Variants in FAM117B observed in about 807,000 individuals in gnomAD.
FAM117B encodes the protein family with sequence similarity 117 member B.
In FAM117B, 22 loss-of-function variants were observed where a neutral mutation model predicts 52.8. That is an observed-to-expected ratio of 0.42 (90% CI 0.30 to 0.59). The LOEUF (loss-of-function observed/expected upper bound fraction) is 0.59, where lower values mean the gene tolerates loss of function less well. Among genes scored for constraint, FAM117B ranks in the 20% least tolerant of loss-of-function variants. The pLI is 0.22. For missense variants in FAM117B, 678 were observed against 802.6 expected, an observed-to-expected ratio of 0.84 and a Z score of 1.88; for synonymous variants, 309 against 324.1, an observed-to-expected ratio of 0.95 and a Z score of 0.50.
intron 2 of FAM117B, among the ~76,000 whole-genome samples, chr2:202,720,645 C>T (rs1483644848): frequency 6.6e-6 from 1 of 151,260 alleles, no homozygotes; most frequent in Non-Finnish European, 1.5e-5. Flanking sequence ...TTATACATTA[C>T]ACTTGGACCC....
chr2:202,675,445 CAAAAAAAAA>C (rs386392341), intron 1 of FAM117B, among the ~76,000 whole-genome samples: 2 of 67,792 alleles, frequency 3.0e-5, no homozygotes, highest in Non-Finnish European at 5.1e-5. Flanking sequence ...GACCTTATCT[CAAAAAAAAA>C]AAAAAAAAAA....
Position 202,635,253 on chromosome 2 carries a change from G to A in FAM117B, c.66G>A (p.Val22=). The A allele has an allele frequency of 2.9e-6, 4 of 1,367,280 alleles. No individual in the cohort carries two copies. Among genetic ancestry groups the A allele is most frequent in the Non-Finnish European group, 3.8e-6 (4 of 1,057,922 alleles). The allele number at this position is 1,367,280 out of a possible 1,614,324, so 84.7% of individuals were successfully genotyped here. A position where few individuals can be genotyped will look rare whatever the true frequency, so the allele number is the denominator to read the frequency against. Residue 22 remains valine (V), a synonymous_variant, in exon 1 of 8, where the codon GTG becomes GTA. Transcript: ENST00000392238. ...CCGGCTCCCTTGGGGGTGGTGCGGT[G>A]GCCACGGCCGGGGGACCCGGGAGCC... ...TPAGSLGGGA[V]ATAGGPGSRL... is the part of the protein sequence containing the mutation.
At chr2:202,747,556 C>A (rs1330872353) in intron 4 of FAM117B, among the ~76,000 whole-genome samples, 1 of 151,536 alleles carries the variant, frequency 6.6e-6, no homozygotes, top group Non-Finnish European at 1.5e-5. Flanking sequence ...AAATAAGAAC[C>A]AAAAGACTAC....
intron 5 of FAM117B, among the ~76,000 whole-genome samples, chr2:202,756,150 C>G (rs1226012176): frequency 6.6e-6 from 1 of 152,198 alleles, no homozygotes; most frequent in African/African-American, 2.4e-5. Context: ...TGCACAGTGG[C>G]TCACACCTGT....
At chr2:202,711,349 A>G (rs758518884) in intron 2 of FAM117B, among the ~76,000 whole-genome samples, 5 of 152,066 alleles carry the variant, frequency 3.3e-5, no homozygotes, top group African/African-American at 4.8e-5. Flanking sequence ...TGTCATTTGT[A>G]TGTCTTTTGA....
chr2:202,690,053 G>T (rs888820852), intron 1 of FAM117B, among the ~76,000 whole-genome samples: 1 of 152,184 alleles, frequency 6.6e-6, no homozygotes, highest in Non-Finnish European at 1.5e-5. Context: ...GGTTTGGGAT[G>T]CTCCACTAGT....
Position 202,634,993 on chromosome 2 carries a change from GAGCGGCGGCGGC to G in FAM117B, c.-194_-183del, listed in dbSNP as rs1559090413. On this transcript the variant is annotated 5_prime_UTR_variant, in exon 1 of 8. Coordinates refer to ENST00000392238, the MANE Select transcript of FAM117B (RefSeq NM_173511.4). ...CAGAGGAGACACTATTGTTGATGAG[GAGCGGCGGCGGC>G]GGCGGCGGCGGCTGCACCACCTCGT... Among the ~76,000 whole-genome samples, 1 of 133,062 alleles carries G rather than the reference GAGCGGCGGCGGC, an allele frequency of 7.5e-6. No homozygotes were observed. Among genetic ancestry groups the G allele is most frequent in the Non-Finnish European group, 1.6e-5 (1 of 61,506 alleles). The allele number at this position is 133,062 out of a possible 152,430, so 87.3% of individuals were successfully genotyped here.
At chr2:202,750,547 C>G (rs1314047617) in intron 4 of FAM117B, among the ~76,000 whole-genome samples, 1 of 152,102 alleles carries the variant, frequency 6.6e-6, no homozygotes, top group African/African-American at 2.4e-5. Context: ...CAACTACTGC[C>G]TTAGATGCCC....
At chr2:202,668,173 ATAT>A (rs1170291722) in intron 1 of FAM117B, among the ~76,000 whole-genome samples, 5 of 124,874 alleles carry the variant, frequency 4.0e-5, no homozygotes, top group African/African-American at 9.5e-5. Flanking sequence ...TAATACATAC[ATAT>A]TATATTATAT....
chr2:202,672,441 T>G (rs1164550531), intron 1 of FAM117B, among the ~76,000 whole-genome samples: 2 of 152,218 alleles, frequency 1.3e-5, no homozygotes, highest in Admixed American at 1.3e-4. Flanking sequence ...CTTGAACTCC[T>G]GATCTCAAGT....
At chr2:202,732,042 T>TTATC (rs1691360221) in intron 4 of FAM117B, among the ~76,000 whole-genome samples, 2 of 151,094 alleles carry the variant, frequency 1.3e-5, no homozygotes, top group Non-Finnish European at 2.9e-5. Flanking sequence ...GCCTATTTAT[T>TTATC]TTTCTTTTTT....
intron 1 of FAM117B, among the ~76,000 whole-genome samples, chr2:202,683,683 G>A (rs1690495913): frequency 6.6e-6 from 1 of 152,184 alleles, no homozygotes; most frequent in Non-Finnish European, 1.5e-5. Context: ...TTCCCAAAAT[G>A]AAAACTCCAG....
chr2:202,710,934 A>G (rs1281783320), intron 2 of FAM117B, among the ~76,000 whole-genome samples: 1 of 152,082 alleles, frequency 6.6e-6, no homozygotes, highest in African/African-American at 2.4e-5. Flanking sequence ...TGTATGTACC[A>G]CATTTTCTTT....
At chr2:202,681,979 A>G (rs1690469237) in intron 1 of FAM117B, among the ~76,000 whole-genome samples, 1 of 152,200 alleles carries the variant, frequency 6.6e-6, no homozygotes, top group African/African-American at 2.4e-5. Flanking sequence ...AGGGAGGAGA[A>G]GCAGCTGGAC....
chr2:202,755,072 G>C (rs745731764), intron 4 of FAM117B, among the ~76,000 whole-genome samples: 1 of 151,678 alleles, frequency 6.6e-6, no homozygotes, highest in Non-Finnish European at 1.5e-5. Context: ...AGTGGGAGGC[G>C]CTACACACCT....
chr2:202,695,282 G>A (rs1011695049), intron 1 of FAM117B, among the ~76,000 whole-genome samples: 3 of 151,210 alleles, frequency 2.0e-5, no homozygotes, highest in African/African-American at 7.3e-5. Context: ...TATGGTTTCA[G>A]TTACTTCTAG....
intron 2 of FAM117B, 101 bp from the exon 3 acceptor site, chr2:202,724,816 A>AT (rs1691212952): frequency 3.8e-6 from 3 of 795,050 alleles, no homozygotes; most frequent in Non-Finnish European, 5.5e-6. Context: ...TTAATGTCTA[A>AT]TTTTTTTGTA....
At chr2:202,685,515 A>T (rs1034156749) in intron 1 of FAM117B, among the ~76,000 whole-genome samples, 5 of 152,364 alleles carry the variant, frequency 3.3e-5, no homozygotes, top group African/African-American at 1.2e-4. Flanking sequence ...CCTAAAATTT[A>T]TATGAAACTG....
chr2:202,681,818 G>A lies in FAM117B; in HGVS notation c.602-14063G>A, dbSNP rs959050186. ...AGGGTGAGTCCCTGGCGAGGGCCCC[G>A]CCCTCAAACTGAAAAAGCCTGGTAC... is the stretch of plus-strand genomic sequence containing the variant. On this transcript the variant is annotated intron_variant, in intron 1 of 7. Coordinates refer to ENST00000392238, the MANE Select transcript of FAM117B (RefSeq NM_173511.4). Among the ~76,000 whole-genome samples the A allele has an allele frequency of 3.9e-4, 60 of 152,312 alleles. 1 individual carries two copies. Among genetic ancestry groups the A allele is most frequent in the Admixed American group, 3.2e-3 (49 of 15,300 alleles).
Sources: allele counts gnomAD v4.1 joint callset (sites outside exome capture counted in the v4.1 genomes callset), GRCh38; gene constraint gnomAD v4.1.1; transcripts MANE v1.5; gene names NCBI Gene and HGNC (gene_info 2026-07-23, HGNC 2026-07-21).